The following TUSC3 variants were observed in gnomAD, a reference collection of about 807,000 sequenced individuals.
TUSC3 encodes the protein tumor suppressor candidate 3.
A neutral mutation model predicts 44.8 loss-of-function variants in TUSC3; 45 were observed. The observed-to-expected ratio is 1.00, with a 90% confidence interval of 0.79 to 1.29. The LOEUF (loss-of-function observed/expected upper bound fraction) is 1.29, where lower values mean the gene tolerates loss of function less well. Ranked by LOEUF, TUSC3 falls within the 50% of genes most tolerant of loss-of-function variation. The pLI is 0.00. For missense variants in TUSC3, 519 were observed against 437.9 expected, an observed-to-expected ratio of 1.19 and a Z score of -1.65; for synonymous variants, 212 against 152.9, an observed-to-expected ratio of 1.39 and a Z score of -2.85.
the TUSC3 span, among the ~76,000 whole-genome samples, chr8:15,836,983 A>T: frequency 6.6e-6 from 1 of 151,576 alleles, no homozygotes; most frequent in Non-Finnish European, 1.5e-5. Context: ...TTTAATAATA[A>T]CTAGTTTTTT....
At chr8:15,687,385 C>T (rs1808683103) in intron 6 of TUSC3, among the ~76,000 whole-genome samples, 1 of 152,142 alleles carries the variant, frequency 6.6e-6, no homozygotes, top group Non-Finnish European at 1.5e-5. Context: ...AATTTTGCCT[C>T]AGCACCATGG....
chr8:15,726,823 G>C (rs1229803009), intron 6 of TUSC3, among the ~76,000 whole-genome samples: 1 of 151,992 alleles, frequency 6.6e-6, no homozygotes, highest in African/African-American at 2.4e-5. Flanking sequence ...AAAAGAAAAA[G>C]AAAAGAAATA....
chr8:15,728,868 C>G (rs994447567), intron 6 of TUSC3, among the ~76,000 whole-genome samples: 1 of 152,064 alleles, frequency 6.6e-6, no homozygotes, highest in Non-Finnish European at 1.5e-5. Flanking sequence ...ATGAGGTAGA[C>G]TCATCCTCAA....
the TUSC3 span, among the ~76,000 whole-genome samples, chr8:15,829,880 G>A: frequency 6.6e-6 from 1 of 152,072 alleles, no homozygotes; most frequent in African/African-American, 2.4e-5. Flanking sequence ...ATATTGTTTT[G>A]CAGACATTGT....
intron 1 of TUSC3, among the ~76,000 whole-genome samples, chr8:15,483,018 T>A (rs986895855): frequency 6.6e-6 from 1 of 152,102 alleles, no homozygotes; most frequent in Admixed American, 6.6e-5. Context: ...AATTTAACAG[T>A]CACAGACTAA....
At chr8:15,469,832 G>T (rs912254851) in intron 1 of TUSC3, among the ~76,000 whole-genome samples, 4 of 152,148 alleles carry the variant, frequency 2.6e-5, no homozygotes, top group African/African-American at 9.7e-5. Context: ...GAGCTATGAA[G>T]CCATGAAAAG....
At chr8:15,804,433 G>A in the TUSC3 span, among the ~76,000 whole-genome samples, 1 of 152,016 alleles carries the variant, frequency 6.6e-6, no homozygotes, top group African/African-American at 2.4e-5. Flanking sequence ...TGTTTTTTAG[G>A]TTTTCTTCTA....
At chr8:15,848,388 C>T in the TUSC3 span, among the ~76,000 whole-genome samples, 1 of 152,160 alleles carries the variant, frequency 6.6e-6, no homozygotes. Context: ...CCCCTCACAT[C>T]AGAAAACAGG....
At position 15,546,344 on chromosome 8, in the gene TUSC3, A is replaced by C. The variant is rs749824252; in HGVS notation, c.138+5776A>C. On this transcript the variant is annotated intron_variant, in intron 1 of 10. Coordinates refer to ENST00000503731, the MANE Select transcript of TUSC3 (RefSeq NM_006765.4). ...TTTTATCTAATCACTTGCCGGTATAATACAGCTTTGTAGTTCTTACCCTGT... is the reference window on the plus strand; with the variant it reads ...TTTTATCTAATCACTTGCCGGTATACTACAGCTTTGTAGTTCTTACCCTGT... 2.6e-5 allele frequency among the ~76,000 whole-genome samples: 4 copies of C among 151,764 alleles called. No individual in the cohort carries two copies. The South Asian group carries it at 8.4e-4, about 32-fold the overall frequency.
chr8:15,553,210 T>C (rs1802117450), intron 1 of TUSC3, among the ~76,000 whole-genome samples: 2 of 151,770 alleles, frequency 1.3e-5, no homozygotes, highest in African/African-American at 4.8e-5. Flanking sequence ...CGATCTGGGC[T>C]GATGATAAAA....
At chr8:15,801,570 T>C in the TUSC3 span, among the ~76,000 whole-genome samples, 1 of 152,100 alleles carries the variant, frequency 6.6e-6, no homozygotes, top group Non-Finnish European at 1.5e-5. Flanking sequence ...TTTTCGTAAA[T>C]GTGATGGCTC....
At chr8:15,457,838 A>G (rs1800278870) in intron 1 of TUSC3, among the ~76,000 whole-genome samples, 1 of 142,466 alleles carries the variant, frequency 7.0e-6, no homozygotes, top group African/African-American at 2.5e-5. Context: ...TTAATAAATT[A>G]GATTAATTAT....
chr8:15,773,043 A>T, the TUSC3 span, among the ~76,000 whole-genome samples: 4 of 152,226 alleles, frequency 2.6e-5, no homozygotes, highest in African/African-American at 9.6e-5. Flanking sequence ...TTCAATGGTT[A>T]AAAACAAAAC....
chr8:15,468,843 T>C (rs1469461151), intron 1 of TUSC3, among the ~76,000 whole-genome samples: 1 of 152,032 alleles, frequency 6.6e-6, no homozygotes, highest in Non-Finnish European at 1.5e-5. Flanking sequence ...CTTTCTGTTT[T>C]AGAAATATAT....
intron 2 of TUSC3, among the ~76,000 whole-genome samples, chr8:15,647,333 A>G (rs1352163556): frequency 1.3e-5 from 2 of 152,174 alleles, no homozygotes; most frequent in African/African-American, 4.8e-5. Flanking sequence ...TCACCAGTTC[A>G]TCAAAATTAT....
intron 8 of TUSC3, among the ~76,000 whole-genome samples, chr8:15,745,841 A>C (rs2129215958): frequency 6.6e-6 from 1 of 151,432 alleles, no homozygotes; most frequent in South Asian, 2.1e-4. Context: ...GACTTAGTAA[A>C]AAAAATTCTT....
rs140708551 is a variant in TUSC3, at chr8:15,478,364, A to G, written n.92-5022A>G. On this transcript the variant is annotated intron_variant and non_coding_transcript_variant, in intron 1 of 5. Transcript: ENST00000503191. ...GTGTGCCATGGTAGTTTGCTGCCCC[A>G]TCAGCCCATCATCTAGCTACTAAGG... is the stretch of plus-strand genomic sequence containing the variant. 1.2e-4 allele frequency among the ~76,000 whole-genome samples: 19 copies of G among 152,212 alleles called. 1 individual carries two copies. The South Asian group carries it at 3.7e-3, about 30-fold the overall frequency.
chr8:15,541,379 C>G (rs774391379), intron 1 of TUSC3, among the ~76,000 whole-genome samples: 1 of 152,266 alleles, frequency 6.6e-6, no homozygotes, highest in East Asian at 1.9e-4. Flanking sequence ...GGGAATGTGA[C>G]TAGGGTTTCT....
At chr8:15,450,805 C>T (rs549839645) in intron 1 of TUSC3, among the ~76,000 whole-genome samples, 2 of 152,288 alleles carry the variant, frequency 1.3e-5, no homozygotes, top group East Asian at 3.9e-4. Context: ...TTACTGTTTT[C>T]AGCAGAAAAG....
Sources: allele counts gnomAD v4.1 joint callset (sites outside exome capture counted in the v4.1 genomes callset), GRCh38; gene constraint gnomAD v4.1.1; transcripts MANE v1.5; gene names NCBI Gene and HGNC (gene_info 2026-07-23, HGNC 2026-07-21).